The following GBF1 variants were observed in gnomAD, a reference collection of about 807,000 sequenced individuals.
GBF1 encodes the protein Golgi-specific brefeldin A-resistance guanine nucleotide exchange factor 1.
Under a neutral mutation model 210.5 loss-of-function variants are expected in GBF1, and 114 were observed. That is an observed-to-expected ratio of 0.54 (90% CI 0.47 to 0.63). The LOEUF (loss-of-function observed/expected upper bound fraction) is 0.63, where lower values mean the gene tolerates loss of function less well. Ranked by LOEUF, GBF1 falls within the 30% of genes least tolerant of loss-of-function variation. The pLI is 0.00. For synonymous variants in GBF1, 850 were observed against 889.2 expected, an observed-to-expected ratio of 0.96 and a Z score of 0.78; for missense variants, 1,851 against 2,357.7, an observed-to-expected ratio of 0.79 and a Z score of 4.45.
At position 102,379,370 on chromosome 10, in the gene GBF1, T is replaced by C. The variant is rs149331874; in HGVS notation, c.4581T>C (p.Gly1527=). 2 of 1,614,008 alleles carry C rather than the reference T, an allele frequency of 1.2e-6. No homozygotes were observed. The highest frequency in any genetic ancestry group is 8.5e-7 in the Non-Finnish European group (1 of 1,180,000). The change falls in exon 34 of 40, where the codon GGT becomes GGC. Residue 1527 remains glycine (G), a synonymous_variant. Transcript: ENST00000369983. ...WAEEQRHLET[G]GQKIEADSRT... is the part of the protein sequence containing the mutation. ...AGGAGCAACGCCACCTGGAGACAGG[T>C]GGCCAGAAGATTGAAGCTGATTCTC...
At chr10:102,293,978 C>T (rs1399009852) in intron 3 of GBF1, among the ~76,000 whole-genome samples, 1 of 151,626 alleles carries the variant, frequency 6.6e-6, no homozygotes, top group Non-Finnish European at 1.5e-5. Flanking sequence ...CGGGGTTTCA[C>T]CGTGTTAGCC....
At chr10:102,288,079 G>T (rs17707508) in intron 3 of GBF1, among the ~76,000 whole-genome samples, 31,489 of 151,944 alleles carry the variant, frequency 0.21, 3,504 homozygotes, top group South Asian at 0.32. Flanking sequence ...AGCCATAAGC[G>T]CTAGTAAAAA....
At chr10:102,240,505 G>A (rs958359266), upstream of GBF1, among the ~76,000 whole-genome samples, 7 of 152,242 alleles carry the variant, frequency 4.6e-5, no homozygotes, top group African/African-American at 1.7e-4. Context: ...CACCGCAGCC[G>A]ACCCCATCGC....
chr10:102,304,876 G>A (rs1291466904), intron 3 of GBF1, among the ~76,000 whole-genome samples: 2 of 151,950 alleles, frequency 1.3e-5, no homozygotes, highest in Non-Finnish European at 2.9e-5. Context: ...GCCGGGTGTG[G>A]TGGTGCAAGC....
upstream of GBF1, among the ~76,000 whole-genome samples, chr10:102,242,193 G>A (rs2070554206): frequency 6.6e-6 from 1 of 152,148 alleles, no homozygotes; most frequent in Non-Finnish European, 1.5e-5. Flanking sequence ...TGACTTCGTG[G>A]AGACAGCAGG....
chr10:102,339,525 G>A (rs953826309), intron 3 of GBF1, among the ~76,000 whole-genome samples: 1 of 151,290 alleles, frequency 6.6e-6, no homozygotes, highest in Non-Finnish European at 1.5e-5. Flanking sequence ...AAATTAACTG[G>A]GCGTGGTGGC....
At position 102,382,179 on chromosome 10, in the gene GBF1, T is replaced by G. The variant is rs1461651426; in HGVS notation, c.5426T>G (p.Leu1809Arg). 2 of 1,613,990 alleles carry G rather than the reference T, an allele frequency of 1.2e-6. No individual in the cohort carries two copies. The highest frequency in any genetic ancestry group is 1.7e-6 in the Non-Finnish European group (2 of 1,179,928). ...CCTCCACCCTTGGCTCAGCCCCCAC[T>G]GATCCTGCAGCCCTTGGCCTCCCCA... ...DGPPPLAQPP[L>R]ILQPLASPLQ... is the part of the protein sequence containing the mutation. The change falls in exon 40 of 40, where the codon CTG (leucine) becomes CGG (arginine). Residue 1809 changes from leucine to arginine, a missense_variant. Leu to Arg is a moderately radical substitution (Grantham distance 102). This residue lies in a region of GBF1 where 967 missense variants were observed against 1,247.7 expected (regional missense o/e 0.78). Coordinates refer to ENST00000369983, the MANE Select transcript of GBF1 (RefSeq NM_001377137.1).
intron 1 of GBF1, among the ~76,000 whole-genome samples, chr10:102,257,909 T>G (rs2072634229): frequency 6.6e-6 from 1 of 152,134 alleles, no homozygotes; most frequent in Non-Finnish European, 1.5e-5. Flanking sequence ...ATATTGTTTT[T>G]AACAAGCTGA....
intron 3 of GBF1, among the ~76,000 whole-genome samples, chr10:102,313,738 C>T (rs1361069822): frequency 6.6e-6 from 1 of 152,150 alleles, no homozygotes; most frequent in Non-Finnish European, 1.5e-5. Flanking sequence ...ATCCTGTCCA[C>T]CTAACTAGTG....
rs765439804 is a variant in GBF1, at chr10:102,369,929, G to A, written c.3284G>A (p.Arg1095Gln). Residue 1095 changes from arginine (R) to glutamine (Q), a missense_variant, in exon 26 of 40, where the codon CGG becomes CAG. Physicochemically the swap from Arg to Gln is conservative, Grantham distance 43. Transcript: ENST00000369983. ...TLSGPEQSSVRGPSTENQEAK... is the reference protein window; with the variant it reads ...TLSGPEQSSVQGPSTENQEAK... ...AGTGGTCCTGAGCAGTCTAGTGTTC[G>A]GGGCCCATCCACTGAAAACCAAGAG... 5.0e-6 allele frequency: 8 copies of A among 1,614,060 alleles called. No homozygotes were observed. Among genetic ancestry groups the A allele is most frequent in the East Asian group, 4.5e-5 (2 of 44,880 alleles).
At chr10:102,339,276 TC>T (rs1343791695) in intron 3 of GBF1, among the ~76,000 whole-genome samples, 1 of 152,004 alleles carries the variant, frequency 6.6e-6, no homozygotes, top group Non-Finnish European at 1.5e-5. Flanking sequence ...GGCATGAGAA[TC>T]ACTTGAACCC....
chr10:102,360,547 C>T (rs770995659), intron 12 of GBF1, 152 bp downstream of exon 12: 63 of 614,150 alleles, frequency 1.0e-4, no homozygotes, highest in Non-Finnish European at 1.6e-4. Context: ...CCAGTAGTTC[C>T]CCAGGGACTC....
At position 102,370,302 on chromosome 10, in the gene GBF1, G is replaced by A; in HGVS notation, c.3411+57G>A. ...CTGGCTGAATCTGGGAGGGGTGACA[G>A]GGACAGTATTATTTCTGTCAGGGCA... On this transcript the variant is annotated intron_variant, in intron 27 of 39. Coordinates refer to ENST00000369983, the MANE Select transcript of GBF1 (RefSeq NM_001377137.1). 11 of 1,468,846 alleles carry A rather than the reference G, an allele frequency of 7.5e-6. No homozygotes were observed. In the South Asian group the frequency reaches 1.2e-4, roughly 17 times the overall value. The allele number at this position is 1,468,846 out of a possible 1,614,324, so 91.0% of individuals were successfully genotyped here.
intron 3 of GBF1, among the ~76,000 whole-genome samples, chr10:102,324,219 G>T (rs531679582): frequency 6.6e-6 from 1 of 152,140 alleles, no homozygotes; most frequent in Non-Finnish European, 1.5e-5. Context: ...ATGCATAAAG[G>T]ATCGGGGCAG....
chr10:102,335,529 G>A (rs985328257), intron 3 of GBF1, among the ~76,000 whole-genome samples: 9 of 152,206 alleles, frequency 5.9e-5, no homozygotes, highest in East Asian at 5.8e-4. Context: ...AGGCTGAACC[G>A]TGAGATAGGA....
intron 2 of GBF1, 56 bp downstream of exon 2, chr10:102,259,090 G>T: frequency 1.1e-6 from 1 of 883,040 alleles, no homozygotes; most frequent in South Asian, 1.3e-5. Flanking sequence ...GGGATCTGTT[G>T]GCATGGTTAA....
At chr10:102,343,870 A>G (rs747303537) in intron 3 of GBF1, among the ~76,000 whole-genome samples, 181 bp from the exon 4 acceptor site, 2 of 152,020 alleles carry the variant, frequency 1.3e-5, no homozygotes, top group African/African-American at 2.4e-5. Context: ...TTAGATCTAC[A>G]TGCTGAAAAT....
chr10:102,276,003 G>A (rs368333476), intron 3 of GBF1, among the ~76,000 whole-genome samples: 5 of 152,160 alleles, frequency 3.3e-5, no homozygotes, highest in African/African-American at 4.8e-5. Flanking sequence ...TTGGGAGGCC[G>A]AGGCAGGTGG....
intron 20 of GBF1, 126 bp from the exon 21 acceptor site, chr10:102,367,352 C>T (rs2059969260): frequency 8.7e-7 from 1 of 1,151,392 alleles, no homozygotes; most frequent in African/African-American, 1.5e-5. Context: ...AGAAAAGGGA[C>T]TGGGGTGGGG....
Sources: gnomAD v4.1 joint callset for allele counts (sites outside exome capture counted in the v4.1 genomes callset) on GRCh38, gnomAD v4.1.1 for gene constraint, gnomAD v4.1.1 regional missense constraint, MANE v1.5 for transcripts, NCBI Gene and HGNC (gene_info 2026-07-23, HGNC 2026-07-21) for gene names.